Variants in SORCS1 observed in about 807,000 individuals in gnomAD.
SORCS1 encodes sortilin related VPS10 domain containing receptor 1.
SORCS1 carries 60 observed loss-of-function variants against 146.1 expected under a neutral mutation model. The ratio of observed to expected loss-of-function variants is 0.41; its 90% CI spans 0.33 to 0.51. SORCS1 has a LOEUF of 0.51. Among genes scored for constraint, SORCS1 ranks in the 20% least tolerant of loss-of-function variants. The pLI is 0.21. For missense variants in SORCS1, 1,352 were observed against 1,487.6 expected (o/e 0.91, Z 1.50); for synonymous variants, 637 against 584.0 (o/e 1.09, Z -1.31).
At chr10:106,619,166 T>A (rs962834629) in intron 20 of SORCS1, among the ~76,000 whole-genome samples, 1 of 151,960 alleles carries the variant, frequency 6.6e-6, no homozygotes, top group Non-Finnish European at 1.5e-5. Flanking sequence ...CAATAGGGGG[T>A]ACAAAAGGAA....
intron 5 of SORCS1, among the ~76,000 whole-genome samples, chr10:106,733,126 G>T (rs201205118): frequency 7.8e-6 from 1 of 127,732 alleles, no homozygotes; most frequent in African/African-American, 3.0e-5. Context: ...GAAAAGAAAA[G>T]AAAAGAAAAG....
intron 1 of SORCS1, among the ~76,000 whole-genome samples, chr10:107,095,265 A>G (rs1964466857): frequency 6.6e-6 from 1 of 152,206 alleles, no homozygotes; most frequent in South Asian, 2.1e-4. Flanking sequence ...AGACAAGGAA[A>G]CAGAAGGCAA....
chr10:106,786,220 T>C (rs1946048374), intron 3 of SORCS1, among the ~76,000 whole-genome samples: 1 of 152,244 alleles, frequency 6.6e-6, no homozygotes, highest in Non-Finnish European at 1.5e-5. Flanking sequence ...ACAAGCATTT[T>C]GTTTTGTTTA....
At chr10:107,131,304 T>C (rs1966866510) in intron 1 of SORCS1, among the ~76,000 whole-genome samples, 1 of 152,228 alleles carries the variant, frequency 6.6e-6, no homozygotes, top group Non-Finnish European at 1.5e-5. Context: ...CAACTCCTGC[T>C]CCTCCAAGTC....
intron 1 of SORCS1, among the ~76,000 whole-genome samples, chr10:106,990,468 C>G (rs1207441248): frequency 6.6e-6 from 1 of 152,018 alleles, no homozygotes; most frequent in Non-Finnish European, 1.5e-5. Context: ...TGGGTTTTCA[C>G]CATGTTGGCC....
chr10:106,617,672 C>T (rs1267275102), intron 21 of SORCS1, among the ~76,000 whole-genome samples: 5 of 152,006 alleles, frequency 3.3e-5, no homozygotes, highest in African/African-American at 1.2e-4. Context: ...TTGTTATGAC[C>T]CTTCCATCAC....
chr10:106,993,212 T>A (rs1956847470), intron 1 of SORCS1, among the ~76,000 whole-genome samples: 1 of 152,144 alleles, frequency 6.6e-6, no homozygotes, highest in African/African-American at 2.4e-5. Flanking sequence ...ACTCTTTAGA[T>A]GCCCAAGTAG....
the SORCS1 span, among the ~76,000 whole-genome samples, chr10:107,178,968 G>GA: frequency 6.6e-6 from 1 of 152,150 alleles, no homozygotes; most frequent in African/African-American, 2.4e-5. Flanking sequence ...CCTTTCCTTT[G>GA]AATAAAGACT....
At chr10:106,637,191 A>G (rs1442346070) in intron 18 of SORCS1, among the ~76,000 whole-genome samples, 2 of 152,176 alleles carry the variant, frequency 1.3e-5, no homozygotes, top group African/African-American at 4.8e-5. Flanking sequence ...AACAGTTAAA[A>G]ACCAGTCTAG....
At chr10:107,006,634 G>A (rs140885405) in intron 1 of SORCS1, among the ~76,000 whole-genome samples, 4,386 of 152,226 alleles carry the variant, frequency 0.029, 177 homozygotes, top group African/African-American at 0.095. Context: ...TGGCTAACAC[G>A]GTGAAACCCC....
chr10:106,777,837 C>T (rs974036028), intron 3 of SORCS1, among the ~76,000 whole-genome samples: 1 of 152,114 alleles, frequency 6.6e-6, no homozygotes, highest in African/African-American at 2.4e-5. Flanking sequence ...TAATGCTACC[C>T]GTTGACCTCT....
At chr10:106,882,079 G>T (rs1010800100) in intron 2 of SORCS1, among the ~76,000 whole-genome samples, 1 of 152,154 alleles carries the variant, frequency 6.6e-6, no homozygotes, top group Admixed American at 6.5e-5. Context: ...GTCATTCCCA[G>T]CTTCACCCAA....
At chr10:106,626,438 C>A (rs749550845) in intron 19 of SORCS1, among the ~76,000 whole-genome samples, 13 of 152,120 alleles carry the variant, frequency 8.5e-5, no homozygotes, top group Non-Finnish European at 1.5e-4. Flanking sequence ...GTCAGAATGC[C>A]CGACTCAGTC....
chr10:106,927,315 C>T (rs1953100322), intron 2 of SORCS1, among the ~76,000 whole-genome samples: 1 of 152,078 alleles, frequency 6.6e-6, no homozygotes, highest in African/African-American at 2.4e-5. Flanking sequence ...AGCTGCGGAC[C>T]TTCACAGATG....
intron 9 of SORCS1, among the ~76,000 whole-genome samples, chr10:106,698,226 T>A (rs749164607): frequency 1.2e-4 from 19 of 152,250 alleles, no homozygotes; most frequent in Non-Finnish European, 2.6e-4. Context: ...AATGATAGGT[T>A]AAAATTTCTT....
Position 106,870,727 on chromosome 10 carries a change from T to C in SORCS1, c.627-41054A>G, listed in dbSNP as rs543830371. ...GACTTAAATGAACAACTCGAAACTA[T>C]AGAAATCTTGGAAGACAACCTAGGC... On this transcript the variant is annotated intron_variant, in intron 2 of 25. Transcript: ENST00000263054. Among the ~76,000 whole-genome samples the C allele has an allele frequency of 7.0e-4, 106 of 152,212 alleles. 1 individual carries two copies. Among genetic ancestry groups the C allele is most frequent in the Non-Finnish European group, 1.1e-3 (77 of 67,996 alleles).
chr10:107,112,396 A>T (rs1473565941), intron 1 of SORCS1, among the ~76,000 whole-genome samples: 1 of 152,096 alleles, frequency 6.6e-6, no homozygotes, highest in Admixed American at 6.5e-5. Flanking sequence ...GTAGATACAC[A>T]AACCATAAAA....
At chr10:106,822,802 T>TTTTTTTTTTG (rs994708912) in intron 3 of SORCS1, among the ~76,000 whole-genome samples, 2 of 140,196 alleles carry the variant, frequency 1.4e-5, no homozygotes, top group East Asian at 2.3e-4. Context: ...TTTTTTTTTT[T>TTTTTTTTTTG]GAATATTGCT....
chr10:106,891,504 C>CTTTT (rs760812204), intron 2 of SORCS1, among the ~76,000 whole-genome samples: 3,400 of 97,258 alleles, frequency 0.035, 509 homozygotes, highest in African/African-American at 0.11. Context: ...AATGGGAATT[C>CTTTT]TTTTTTTTTT....
Sources: allele counts gnomAD v4.1 joint callset (sites outside exome capture counted in the v4.1 genomes callset), GRCh38; gene constraint gnomAD v4.1.1; transcripts MANE v1.5; gene names NCBI Gene and HGNC (gene_info 2026-07-23, HGNC 2026-07-21).